The following GLP1R variants were observed in gnomAD, a reference collection of about 807,000 sequenced individuals.
The protein encoded by GLP1R is glucagon like peptide 1 receptor.
GLP1R carries 32 observed loss-of-function variants against 68.4 expected under a neutral mutation model. The observed-to-expected ratio is 0.47, with a 90% CI of 0.35 to 0.63. The LOEUF (loss-of-function observed/expected upper bound fraction) is 0.63, where lower values mean the gene tolerates loss of function less well. Among genes scored for constraint, GLP1R ranks in the 20% least tolerant of loss-of-function variants. GLP1R has a pLI of 0.00. For missense variants in GLP1R, 502 were observed against 594.9 expected (o/e 0.84, Z 1.62); for synonymous variants, 263 against 244.4 (o/e 1.08, Z -0.71).
In GLP1R at chr6:39,088,253, C is replaced by A. The variant is rs1000144199; in HGVS notation, c.*2180C>A. Among the ~76,000 whole-genome samples the A allele has an allele frequency of 6.6e-6, 1 of 152,056 alleles. No homozygotes were observed. The highest frequency in any genetic ancestry group is 1.5e-5 in the Non-Finnish European group (1 of 68,008). On this transcript the variant is annotated 3_prime_UTR_variant, in exon 13 of 13. Coordinates refer to ENST00000373256, the MANE Select transcript of GLP1R (RefSeq NM_002062.5). ...TCCTTCATGAATACATACAAGATAC[C>A]GAACTGAAGAAATCTTTTCTTTGCT...
Position 39,048,860 on chromosome 6 carries a change from C to T in GLP1R, c.20C>T (p.Pro7Leu), listed in dbSNP as rs10305420. MAGAPG[P>L]LRLALLLLGM... The stretch of plus-strand genomic sequence containing the variant: ...CCCGCCATGGCCGGCGCCCCCGGCC[C>T]GCTGCGCCTTGCGCTGCTGCTGCTC... Residue 7 changes from proline (P) to leucine (L), a missense_variant, in exon 1 of 13, where the codon CCG becomes CTG. By Grantham distance (98) the Pro-to-Leu change is moderately conservative. Coordinates refer to ENST00000373256, the MANE Select transcript of GLP1R (RefSeq NM_002062.5). 0.35 allele frequency: 527,575 copies of T among 1,492,840 alleles called. 99,598 individuals carry two copies. Among genetic ancestry groups the T allele is most frequent in the Non-Finnish European group, 0.39 (436,972 of 1,123,336 alleles). The allele number at this position is 1,492,840 out of a possible 1,614,324, so 92.5% of individuals were successfully genotyped here.
chr6:39,079,306 C>T lies in GLP1R; in HGVS notation c.1043+106C>T. The T allele has an allele frequency of 1.1e-6, 1 of 913,228 alleles. No individual in the cohort carries two copies. Among genetic ancestry groups the T allele is most frequent in the South Asian group, 1.4e-5 (1 of 71,500 alleles). 56.6% of individuals were successfully genotyped at this position (913,228 alleles called of 1,614,324 possible). ...GGGATGCTTAGCTTAGAGCCCTACA[C>T]TACCCTCTCCTTCCACCCAGGCCTG... On this transcript the variant is annotated intron_variant, in intron 10 of 12. Coordinates refer to ENST00000373256, the MANE Select transcript of GLP1R (RefSeq NM_002062.5). This position sits in a 1 kb window ranked among gnomAD's most constrained non-coding sequence, Gnocchi z 4.5.
At chr6:39,066,410 C>A in intron 5 of GLP1R, 107 bp downstream of exon 5, 1 of 646,404 alleles carries the variant, frequency 1.5e-6, no homozygotes, top group South Asian at 1.8e-5. Context: ...GCACATTCGT[C>A]CTTCTCTCAA....
chr6:39,086,191 AC>A lies in GLP1R; in HGVS notation c.*119del. The A allele has an allele frequency of 4.2e-6, 3 of 715,868 alleles. No individual in the cohort carries two copies. The South Asian group carries it at 5.5e-5, about 13-fold the overall frequency. 44.3% of individuals were successfully genotyped at this position (715,868 alleles called of 1,614,324 possible). A position where few individuals can be genotyped will look rare whatever the true frequency, so the allele number is the denominator to read the frequency against. On this transcript the variant is annotated 3_prime_UTR_variant, in exon 13 of 13. Transcript: ENST00000373256. This position sits in a 1 kb window ranked among gnomAD's most constrained non-coding sequence, Gnocchi z 4.5. ...GACACACACACACACACACACACAC[AC>A]ACACACACACACATACATCCTGCTT...
At position 39,075,220 on chromosome 6, in the gene GLP1R, C is replaced by T. The variant is rs576449008; in HGVS notation, c.823+1451C>T. ...TCACAGATCCCTGCTCCTCACCTGC[C>T]TCCTCCACTCCCAGAACCCAGTCCC... is the stretch of plus-strand genomic sequence containing the variant. On this transcript the variant is annotated intron_variant, in intron 7 of 12. Transcript: ENST00000373256. Among the ~76,000 whole-genome samples, 200 of 152,358 alleles carry T rather than the reference C, an allele frequency of 1.3e-3. 1 individual carries two copies. The highest frequency in any genetic ancestry group is 4.5e-3 in the African/African-American group (188 of 41,588).
chr6:39,059,556 C>A (rs929215408), intron 3 of GLP1R, among the ~76,000 whole-genome samples: 1 of 152,148 alleles, frequency 6.6e-6, no homozygotes, highest in African/African-American at 2.4e-5. Context: ...TAAGCAGGAG[C>A]AAGTTGCCAG....
chr6:39,061,541 C>G (rs572323904), intron 3 of GLP1R, among the ~76,000 whole-genome samples: 1 of 152,138 alleles, frequency 6.6e-6, no homozygotes, highest in South Asian at 2.1e-4. Context: ...TTACGACAGC[C>G]TGGGGTTGCC....
intron 5 of GLP1R, among the ~76,000 whole-genome samples, chr6:39,066,861 T>C (rs1768534062): frequency 6.6e-6 from 1 of 152,086 alleles, no homozygotes; most frequent in African/African-American, 2.4e-5. Context: ...GGGAAGGGAT[T>C]CTGAGAGAAT....
intron 1 of GLP1R, among the ~76,000 whole-genome samples, chr6:39,056,117 C>A (rs1469934238): frequency 6.6e-6 from 1 of 152,160 alleles, no homozygotes; most frequent in African/African-American, 2.4e-5. Context: ...CTCCTTCACC[C>A]ACCCACCTCC....
rs753705639 is a variant in GLP1R at position 39,057,537 on chromosome 6, G to A, written c.241G>A (p.Val81Met). Reference sequence around the variant, plus strand: ...GCCAGATGGGGAGCCAGGCTCGTTCGTGAATGTCAGCTGCCCCTGGTACCT... The same window carrying A: ...GCCAGATGGGGAGCCAGGCTCGTTCATGAATGTCAGCTGCCCCTGGTACCT... ...CWPDGEPGSFVNVSCPWYLPW... is the reference protein window; with the variant it reads ...CWPDGEPGSFMNVSCPWYLPW... Residue 81 changes from valine to methionine, a missense_variant, in exon 3 of 13, where the codon GTG becomes ATG. Val to Met is a conservative substitution (Grantham distance 21). Transcript: ENST00000373256. 1 of 1,612,824 alleles carries A rather than the reference G, an allele frequency of 6.2e-7. No individual in the cohort carries two copies. Among genetic ancestry groups the A allele is most frequent in the Non-Finnish European group, 8.5e-7 (1 of 1,179,456 alleles).
chr6:39,072,640 G>A (rs539003091), intron 5 of GLP1R, among the ~76,000 whole-genome samples: 3 of 152,314 alleles, frequency 2.0e-5, no homozygotes, highest in South Asian at 4.1e-4. Context: ...ATGGGAGGAG[G>A]GGGCAGTGAC....
chr6:39,079,440 G>T lies in GLP1R; in HGVS notation c.1044-124G>T. The T allele has an allele frequency of 9.7e-7, 1 of 1,026,584 alleles. No individual in the cohort carries two copies. Among genetic ancestry groups the T allele is most frequent in the African/African-American group, 1.6e-5 (1 of 62,026 alleles). 63.6% of individuals were successfully genotyped at this position (1,026,584 alleles called of 1,614,324 possible). On this transcript the variant is annotated intron_variant, in intron 10 of 12. Transcript: ENST00000373256. This position sits in a 1 kb window ranked among gnomAD's most constrained non-coding sequence, Gnocchi z 4.5. ...CCAGGCAGCCTGTCCCAGGGTATTT[G>T]GGGTGGGAGAACATCCATGACCCAG...
Position 39,073,732 on chromosome 6 carries a change from G to A in GLP1R, c.786G>A (p.Glu262=). The A allele has an allele frequency of 1.2e-6, 2 of 1,614,038 alleles. No homozygotes were observed. The highest frequency in any genetic ancestry group is 1.7e-6 in the Non-Finnish European group (2 of 1,179,948). Residue 262 remains glutamate (E), a synonymous_variant, in exon 7 of 13, where the codon GAG becomes GAA. Coordinates refer to ENST00000373256, the MANE Select transcript of GLP1R (RefSeq NM_002062.5). Reference sequence around the variant, plus strand: ...TGCTGGCCTTCTCGGTCTTATCTGAGCAATGGATCTTCAGGCTCTACGTGA... The same window carrying A: ...TGCTGGCCTTCTCGGTCTTATCTGAACAATGGATCTTCAGGCTCTACGTGA... ...YTLLAFSVLS[E]QWIFRLYVSI...
intron 3 of GLP1R, among the ~76,000 whole-genome samples, chr6:39,059,330 C>T (rs59902637): frequency 0.071 from 10,835 of 152,284 alleles, 633 homozygotes; most frequent in East Asian, 0.27. Context: ...CATTAGTGGG[C>T]GACCCAGAAG....
Position 39,089,089 on chromosome 6 carries a change from A to T in GLP1R, c.*3016A>T, listed in dbSNP as rs1390769268. ...GCAAAGGTAGACTCATCAGATGGTG[A>T]AAGTGTCATCTCCTTTGTAATTTAT... On this transcript the variant is annotated 3_prime_UTR_variant, in exon 13 of 13. Coordinates refer to ENST00000373256, the MANE Select transcript of GLP1R (RefSeq NM_002062.5). The surrounding 1 kb of genome is among the most constrained non-coding windows in gnomAD (Gnocchi z 4.1). Among the ~76,000 whole-genome samples, 1 of 152,246 alleles carries T rather than the reference A, an allele frequency of 6.6e-6. No individual in the cohort carries two copies. The highest frequency in any genetic ancestry group is 1.5e-5 in the Non-Finnish European group (1 of 68,038).
At chr6:39,068,277 G>C (rs1026700404) in intron 5 of GLP1R, among the ~76,000 whole-genome samples, 17 of 152,210 alleles carry the variant, frequency 1.1e-4, no homozygotes, top group South Asian at 6.2e-4. Context: ...GTGGGAGTTG[G>C]GTCCCCAAGT....
chr6:39,049,082 C>T lies in GLP1R; in HGVS notation c.78+164C>T, dbSNP rs1237352311. Among the ~76,000 whole-genome samples the T allele has an allele frequency of 6.6e-6, 1 of 152,164 alleles. No homozygotes were observed. Among genetic ancestry groups the T allele is most frequent in the Non-Finnish European group, 1.5e-5 (1 of 68,002 alleles). ...AGTAGGGACTGGAGACTTGGTGCCC[C>T]TGGGCTGGAAGGCCCAGGTGAGGGC... On this transcript the variant is annotated intron_variant, in intron 1 of 12. Transcript: ENST00000373256. The surrounding 1 kb of genome is among the most constrained non-coding windows in gnomAD (Gnocchi z 4.5).
chr6:39,055,235 G>A (rs1258442188), intron 1 of GLP1R, among the ~76,000 whole-genome samples: 2 of 152,216 alleles, frequency 1.3e-5, no homozygotes, highest in East Asian at 1.9e-4. Flanking sequence ...CTTCTAAAAA[G>A]AAGCTATTTT....
chr6:39,050,988 T>C (rs1768074454), intron 1 of GLP1R, among the ~76,000 whole-genome samples: 1 of 151,930 alleles, frequency 6.6e-6, no homozygotes, highest in South Asian at 2.1e-4. Flanking sequence ...TCCCTGCAGG[T>C]AGGGGGATGG....
Sources: gnomAD v4.1 joint callset for allele counts (sites outside exome capture counted in the v4.1 genomes callset) on GRCh38, gnomAD v4.1.1 for gene constraint, Gnocchi (gnomAD v3.1) non-coding constraint, MANE v1.5 for transcripts, NCBI Gene and HGNC (gene_info 2026-07-23, HGNC 2026-07-21) for gene names.